Variants in DTNA observed in about 807,000 individuals in gnomAD.
DTNA encodes the protein dystrobrevin alpha.
Under a neutral mutation model 100.7 loss-of-function variants are expected in DTNA, and 43 were observed. That is an observed-to-expected ratio of 0.43 (90% confidence interval 0.33 to 0.55). DTNA has a LOEUF of 0.55. DTNA is among the 20% of genes least tolerant of loss of function. The pLI is 0.04. For missense variants in DTNA, 798 were observed against 953.9 expected (o/e 0.84, Z 2.15); for synonymous variants, 349 against 347.9 (o/e 1.00, Z -0.04).
At chr18:34,781,921 G>A (rs537886806) in intron 3 of DTNA, among the ~76,000 whole-genome samples, 40 of 152,264 alleles carry the variant, frequency 2.6e-4, no homozygotes, top group African/African-American at 9.4e-4. Context: ...ATTTCTAAAG[G>A]ACAAGTAGGA....
chr18:34,557,357 T>A (rs1476362358), intron 1 of DTNA, among the ~76,000 whole-genome samples: 2 of 150,834 alleles, frequency 1.3e-5, no homozygotes, highest in African/African-American at 4.9e-5. Context: ...TGAAGCCTTC[T>A]TCTCTCAGCT....
rs1431416731 is a variant in DTNA, at chr18:34,814,377, G to T, written c.604-1532G>T. On this transcript the variant is annotated intron_variant, in intron 6 of 22. Coordinates refer to ENST00000444659, the MANE Select transcript of DTNA (RefSeq NM_001386795.1). ...AAATCAGCTAGAATAATAGGACTGG[G>T]TTTTAAAAAAAAAATCTTAAAAGGA... 2.7e-5 allele frequency among the ~76,000 whole-genome samples: 4 copies of T among 150,884 alleles called. No homozygotes were observed. In the East Asian group the frequency reaches 7.7e-4, roughly 29 times the overall value.
chr18:34,870,568 C>T (rs1177336751), intron 17 of DTNA, among the ~76,000 whole-genome samples: 1 of 152,170 alleles, frequency 6.6e-6, no homozygotes, highest in Non-Finnish European at 1.5e-5. Context: ...ATAATTAATT[C>T]TAAGTAAGTA....
intron 1 of DTNA, among the ~76,000 whole-genome samples, chr18:34,511,477 TA>T: frequency 6.6e-6 from 1 of 152,052 alleles, no homozygotes; most frequent in East Asian, 1.9e-4. Context: ...TAGTTATTAG[TA>T]AAAAAAGAAG....
chr18:34,802,682 C>G (rs569086957), intron 4 of DTNA, among the ~76,000 whole-genome samples: 2 of 152,268 alleles, frequency 1.3e-5, no homozygotes, highest in African/African-American at 4.8e-5. Context: ...ACGCTTTTCA[C>G]TTTGGGTTTC....
At chr18:34,736,758 T>G (rs1360118038) in intron 1 of DTNA, among the ~76,000 whole-genome samples, 3 of 152,188 alleles carry the variant, frequency 2.0e-5, no homozygotes. Flanking sequence ...GGCCAAAAAC[T>G]GTGTGAATCA....
intron 1 of DTNA, among the ~76,000 whole-genome samples, chr18:34,556,192 C>A (rs1200450803): frequency 6.6e-6 from 1 of 151,214 alleles, no homozygotes; most frequent in Non-Finnish European, 1.5e-5. Flanking sequence ...AGGATTGCAA[C>A]CCCTGCCTTT....
At chr18:34,867,582 A>T in intron 17 of DTNA, 2 of 1,063,494 alleles carry the variant, frequency 1.9e-6, no homozygotes, top group Non-Finnish European at 2.3e-6. Context: ...ATGTGCATAG[A>T]AAAAGGAAAT....
At chr18:34,726,768 T>C (rs2086792822) in intron 1 of DTNA, among the ~76,000 whole-genome samples, 1 of 152,186 alleles carries the variant, frequency 6.6e-6, no homozygotes, top group South Asian at 2.1e-4. Context: ...CTTTCCAGGC[T>C]CAGGATGCAA....
intron 5 of DTNA, among the ~76,000 whole-genome samples, chr18:34,811,432 A>G (rs1478493327): frequency 6.6e-6 from 1 of 151,958 alleles, no homozygotes; most frequent in Admixed American, 6.6e-5. Flanking sequence ...GAAGTTAATC[A>G]AGTGTTTGTC....
chr18:34,778,060 G>A (rs56404226), intron 3 of DTNA, among the ~76,000 whole-genome samples: 20,300 of 152,190 alleles, frequency 0.13, 1,720 homozygotes, highest in Non-Finnish European at 0.19. Context: ...CCATTACAGA[G>A]AAAGCCCTAT....
At chr18:34,759,032 T>C (rs2092966674) in intron 2 of DTNA, among the ~76,000 whole-genome samples, 1 of 152,254 alleles carries the variant, frequency 6.6e-6, no homozygotes, top group East Asian at 1.9e-4. Flanking sequence ...AAAAATAGCT[T>C]TATATAAAAA....
chr18:34,734,152 A>G (rs2147435825), intron 1 of DTNA, among the ~76,000 whole-genome samples: 1 of 152,286 alleles, frequency 6.6e-6, no homozygotes, highest in South Asian at 2.1e-4. Flanking sequence ...TAGGTCTAGA[A>G]GCAAACAGAG....
intron 1 of DTNA, among the ~76,000 whole-genome samples, chr18:34,603,530 T>C (rs1188309944): frequency 6.6e-6 from 1 of 152,184 alleles, no homozygotes; most frequent in African/African-American, 2.4e-5. Context: ...TTTTCGGTTT[T>C]CATTGTCTTG....
chr18:34,528,144 T>A (rs978968588), intron 1 of DTNA, among the ~76,000 whole-genome samples: 3 of 152,276 alleles, frequency 2.0e-5, no homozygotes, highest in African/African-American at 7.2e-5. Context: ...TGTGAAGGCA[T>A]GCCGTTGAAA....
At chr18:34,683,354 G>A (rs2145576216) in intron 1 of DTNA, 1 of 152,204 alleles carries the variant, frequency 6.6e-6, no homozygotes, top group East Asian at 1.9e-4. Flanking sequence ...AGATTCCTTG[G>A]TATTAAAGTC....
chr18:34,579,314 G>T (rs1366519783), intron 1 of DTNA, among the ~76,000 whole-genome samples: 1 of 152,146 alleles, frequency 6.6e-6, no homozygotes, highest in Non-Finnish European at 1.5e-5. Context: ...GATGATGATA[G>T]ATATGTAGGT....
At chr18:34,646,820 A>G (rs2059892024) in intron 1 of DTNA, among the ~76,000 whole-genome samples, 1 of 151,958 alleles carries the variant, frequency 6.6e-6, no homozygotes, top group Non-Finnish European at 1.5e-5. Flanking sequence ...GATTCAAGCA[A>G]TTCTCCTGCC....
chr18:34,865,982 G>A (rs1603298888), intron 17 of DTNA: 4 of 971,422 alleles, frequency 4.1e-6, no homozygotes, highest in Non-Finnish European at 6.7e-6. Context: ...AGTCACTGAG[G>A]TGGCAGAGGC....
Sources: gnomAD v4.1 joint callset for allele counts (sites outside exome capture counted in the v4.1 genomes callset) on GRCh38, gnomAD v4.1.1 for gene constraint, MANE v1.5 for transcripts, NCBI Gene and HGNC (gene_info 2026-07-23, HGNC 2026-07-21) for gene names.